The following BTBD8 variants were observed in gnomAD, a reference collection of about 807,000 sequenced individuals.
BTBD8 encodes the protein BTB/POZ domain-containing protein 8.
BTBD8 carries 110 observed loss-of-function variants against 162.9 expected under a neutral mutation model. That is an observed-to-expected ratio of 0.68 (90% CI 0.58 to 0.79). The LOEUF is 0.79. Among genes scored for constraint, BTBD8 ranks in the 30% least tolerant of loss-of-function variants. The probability of loss-of-function intolerance (pLI) is 0.00; values close to 1 mark genes in which losing one functional copy is unlikely to be tolerated. For missense variants in BTBD8, 1,905 were observed against 2,085.4 expected (o/e 0.91, Z 1.68); for synonymous variants, 667 against 716.1 (o/e 0.93, Z 1.10).
chr1:92,082,970 C>T (rs1648060202), intron 1 of BTBD8, among the ~76,000 whole-genome samples: 1 of 152,016 alleles, frequency 6.6e-6, no homozygotes, highest in South Asian at 2.1e-4. Flanking sequence ...TCATTTAACA[C>T]AAGAGGAAAC....
At chr1:92,154,311 T>C (rs1650109452) in intron 9 of BTBD8, among the ~76,000 whole-genome samples, 1 of 152,186 alleles carries the variant, frequency 6.6e-6, no homozygotes, top group African/African-American at 2.4e-5. Context: ...AGAAGTAGGT[T>C]TTTGGATCAT....
At chr1:92,161,842 TTTG>T (rs1412402351) in intron 9 of BTBD8, among the ~76,000 whole-genome samples, 2 of 152,214 alleles carry the variant, frequency 1.3e-5, no homozygotes, top group Non-Finnish European at 2.9e-5. Flanking sequence ...GTTTGTTTGT[TTTG>T]TTGTTGTTTT....
rs918801157 is a variant in BTBD8, at chr1:92,152,771, T to TA, written c.1122+4986dup. Among the ~76,000 whole-genome samples, 15 of 152,210 alleles carry TA rather than the reference T, an allele frequency of 9.9e-5. No homozygotes were observed. In the South Asian group the frequency reaches 2.7e-3, roughly 27 times the overall value. On this transcript the variant is annotated intron_variant, in intron 9 of 17. Coordinates refer to ENST00000636805, the MANE Select transcript of BTBD8 (RefSeq NM_001376131.1). ...TTTATTTTGATTTTATAGCTGTAAT[T>TA]AGGTCCTTGTAAGCTTTGTGGTGAA...
At position 92,181,673 on chromosome 1, in the gene BTBD8, T is replaced by C. The variant is rs1200212901; in HGVS notation, c.3990T>C (p.Asp1330=). 6.4e-7 allele frequency: 1 copy of C among 1,551,276 alleles called. No individual in the cohort carries two copies. ...AAATGAAAAAGCAAAGTAATAATGA[T>C]CTTTTCCAAGTTAATTCAACGAGTG... ...EVKMKKQSNN[D]LFQVNSTSDD... The change falls in exon 17 of 18, where the codon GAT becomes GAC. Residue 1330 remains aspartate (D), a synonymous_variant. Transcript: ENST00000636805.
At chr1:92,092,611 A>T (rs1648341233) in intron 2 of BTBD8, among the ~76,000 whole-genome samples, 1 of 152,140 alleles carries the variant, frequency 6.6e-6, no homozygotes, top group African/African-American at 2.4e-5. Context: ...GTATTTCATT[A>T]TGGCAGTGTA....
chr1:92,088,937 C>T (rs1419250847), intron 2 of BTBD8, 42 bp downstream of exon 2: 2 of 1,451,520 alleles, frequency 1.4e-6, no homozygotes, highest in East Asian at 2.4e-5. Flanking sequence ...TATGTAATTG[C>T]TTATTTTTAA....
intron 2 of BTBD8, among the ~76,000 whole-genome samples, chr1:92,090,317 A>AT (rs964644479): frequency 1.6e-4 from 24 of 152,116 alleles, no homozygotes; most frequent in African/African-American, 4.6e-4. Context: ...TATCTTCTGT[A>AT]TTTTTTTATT....
intron 1 of BTBD8, among the ~76,000 whole-genome samples, chr1:92,086,484 A>G (rs954168199): frequency 2.0e-5 from 3 of 152,102 alleles, no homozygotes; most frequent in African/African-American, 4.8e-5. Flanking sequence ...TACAAAAATT[A>G]TCTGGGTGTG....
At position 92,100,766 on chromosome 1, in the gene BTBD8, C is replaced by T. The variant is rs140767417; in HGVS notation, c.348-1707C>T. On this transcript the variant is annotated intron_variant, in intron 2 of 17. Coordinates refer to ENST00000636805, the MANE Select transcript of BTBD8 (RefSeq NM_001376131.1). The stretch of plus-strand genomic sequence containing the variant: ...CTGGGATTACAGGCACCCTGTACCA[C>T]GCCCAGTTAATTTTTTGTATTTTTA... Among the ~76,000 whole-genome samples the T allele has an allele frequency of 4.1e-3, 620 of 152,106 alleles. 1 individual carries two copies. The highest frequency in any genetic ancestry group is 6.9e-3 in the Admixed American group (105 of 15,274).
intron 5 of BTBD8, among the ~76,000 whole-genome samples, chr1:92,135,569 A>G (rs924072994): frequency 2.0e-5 from 3 of 152,284 alleles, no homozygotes; most frequent in East Asian, 3.9e-4. Context: ...TTCCATTTAA[A>G]CTATGGGCTA....
At chr1:92,154,120 C>CCT (rs1472926951) in intron 9 of BTBD8, among the ~76,000 whole-genome samples, 5 of 152,160 alleles carry the variant, frequency 3.3e-5, no homozygotes, top group Non-Finnish European at 7.3e-5. Context: ...TGTGCCTGCT[C>CCT]CTCCGTTACC....
In BTBD8 at chr1:92,176,910, C is replaced by T. The variant is rs958747012; in HGVS notation, c.1717C>T (p.Leu573Phe). 6.5e-7 allele frequency: 1 copy of T among 1,535,124 alleles called. No individual in the cohort carries two copies. Among genetic ancestry groups the T allele is most frequent in the African/African-American group, 1.4e-5 (1 of 71,794 alleles). The change falls in exon 14 of 18, where the codon CTC (leucine) becomes TTC (phenylalanine). Residue 573 changes from leucine (L) to phenylalanine (F), a missense_variant. Around this residue, in one of 3 missense-constraint regions of BTBD8, gnomAD observed 1,374 missense variants for 1,442.7 expected, o/e 0.95. Transcript: ENST00000636805. ...GNNKKECWSYLSTNKKMKSDG... is the reference protein window; with the variant it reads ...GNNKKECWSYFSTNKKMKSDG... ...TAACAAGAAAGAGTGTTGGAGTTATCTCTCTACTAATAAAAAGATGAAATC... is the reference window on the plus strand; with the variant it reads ...TAACAAGAAAGAGTGTTGGAGTTATTTCTCTACTAATAAAAAGATGAAATC...
chr1:92,099,540 GTT>G (rs1287514654), intron 2 of BTBD8, among the ~76,000 whole-genome samples: 3 of 152,014 alleles, frequency 2.0e-5, no homozygotes, highest in Non-Finnish European at 4.4e-5. Context: ...CACGAGATGT[GTT>G]TCCATTTATT....
chr1:92,112,536 A>T (rs1648927238), intron 4 of BTBD8, among the ~76,000 whole-genome samples: 1 of 152,192 alleles, frequency 6.6e-6, no homozygotes, highest in African/African-American at 2.4e-5. Context: ...TTAAATGCAT[A>T]TTTCTTCTTA....
chr1:92,089,088 T>C (rs1648232477), intron 2 of BTBD8, among the ~76,000 whole-genome samples, 193 bp downstream of exon 2: 1 of 152,210 alleles, frequency 6.6e-6, no homozygotes, highest in Non-Finnish European at 1.5e-5. Context: ...AGTACTAATA[T>C]TAGCTTAGTA....
chr1:92,116,373 T>C (rs967809221), intron 4 of BTBD8, among the ~76,000 whole-genome samples: 2 of 152,096 alleles, frequency 1.3e-5, no homozygotes, highest in African/African-American at 4.8e-5. Context: ...GCTCAAGTTT[T>C]ATGTATCCTT....
chr1:92,135,264 C>T (rs946888325), intron 5 of BTBD8, among the ~76,000 whole-genome samples: 2 of 152,070 alleles, frequency 1.3e-5, no homozygotes, highest in African/African-American at 4.8e-5. Flanking sequence ...TGGCTCACTG[C>T]AATCTCCACT....
At chr1:92,099,179 A>G (rs1648525216) in intron 2 of BTBD8, among the ~76,000 whole-genome samples, 1 of 152,068 alleles carries the variant, frequency 6.6e-6, no homozygotes, top group Non-Finnish European at 1.5e-5. Context: ...TATTGTCTGG[A>G]CACCCTTGTC....
At chr1:92,162,463 A>G (rs1232642053) in intron 9 of BTBD8, among the ~76,000 whole-genome samples, 1 of 152,232 alleles carries the variant, frequency 6.6e-6, no homozygotes, top group Non-Finnish European at 1.5e-5. Flanking sequence ...GAGGTCCCCA[A>G]CAAGATTGAG....
Sources: allele counts gnomAD v4.1 joint callset (sites outside exome capture counted in the v4.1 genomes callset), GRCh38; gene constraint gnomAD v4.1.1; regional missense constraint gnomAD v4.1.1; transcripts MANE v1.5; gene names NCBI Gene and HGNC (gene_info 2026-07-23, HGNC 2026-07-21).